Variants in SEC24D observed in about 807,000 individuals in gnomAD.
The protein encoded by SEC24D is SEC24 homolog D, COPII component.
SEC24D carries 69 observed loss-of-function variants against 116.9 expected under a neutral mutation model. That is an observed-to-expected ratio of 0.59 (90% CI 0.49 to 0.72). The LOEUF (loss-of-function observed/expected upper bound fraction) is 0.72. Ranked by LOEUF, SEC24D falls within the 30% of genes least tolerant of loss-of-function variation. The pLI, the probability that SEC24D is intolerant of heterozygous loss-of-function variation, is 0.00. For missense variants in SEC24D, 1,131 were observed against 1,264.1 expected, an observed-to-expected ratio of 0.89 and a Z score of 1.60; for synonymous variants, 405 against 442.8, an observed-to-expected ratio of 0.91 and a Z score of 1.07.
At chr4:118,752,962 G>C in intron 11 of SEC24D, 74 bp from the exon 12 acceptor site, 1 of 1,080,204 alleles carries the variant, frequency 9.3e-7, no homozygotes, top group Non-Finnish European at 1.3e-6. Flanking sequence ...CTGAAATTCA[G>C]TAAGTGTGTC....
rs1431960926 is a variant in SEC24D, at chr4:118,722,939, AAAC to A, written c.*573_*575del. ...ATTGATAAAGACAGTTTTACAGACA[AAAC>A]AACTGGAAAATAGTTTTAACATACA... On this transcript the variant is annotated 3_prime_UTR_variant, in exon 23 of 23. Coordinates refer to ENST00000280551, the MANE Select transcript of SEC24D (RefSeq NM_014822.4). 2 of 152,642 alleles carry A rather than the reference AAAC, an allele frequency of 1.3e-5. No individual in the cohort carries two copies. The highest frequency in any genetic ancestry group is 2.4e-5 in the African/African-American group (1 of 41,452). The allele number at this position is 152,642 out of a possible 1,614,324, so 9.5% of individuals were successfully genotyped here.
rs867207101 is a variant in SEC24D at position 118,816,763 on chromosome 4, T to C, written c.397+501A>G. ...ACTCACAGGATATACAGCATTTCTG[T>C]TGATGTAAATCTCAGTACTGTGACT... is the stretch of plus-strand genomic sequence containing the variant. On this transcript the variant is annotated intron_variant, in intron 4 of 22. Coordinates refer to ENST00000280551, the MANE Select transcript of SEC24D (RefSeq NM_014822.4). 20 of 454,784 alleles carry C rather than the reference T, an allele frequency of 4.4e-5. No individual in the cohort carries two copies. The Middle Eastern group carries it at 5.5e-3, about 125-fold the overall frequency. 28.2% of individuals were successfully genotyped at this position (454,784 alleles called of 1,614,324 possible).
chr4:118,802,044 A>G (rs1023680986), intron 7 of SEC24D, among the ~76,000 whole-genome samples: 2 of 152,216 alleles, frequency 1.3e-5, no homozygotes, highest in African/African-American at 2.4e-5. Context: ...TGGCTTCACA[A>G]TCTAGTTGGA....
chr4:118,816,782 T>C (rs1207280405), intron 4 of SEC24D: 1 of 455,828 alleles, frequency 2.2e-6, no homozygotes, highest in East Asian at 7.0e-5. Flanking sequence ...ATCTCAGTAC[T>C]GTGACTCTTT....
intron 2 of SEC24D, among the ~76,000 whole-genome samples, chr4:118,832,896 C>T (rs1048355412): frequency 3.9e-5 from 6 of 152,102 alleles, no homozygotes; most frequent in Admixed American, 1.3e-4. Flanking sequence ...TGGTCCTGAA[C>T]AAGAAGAGGG....
Position 118,739,217 on chromosome 4 carries a change from C to T in SEC24D, c.2309G>A (p.Ser770Asn). The part of the protein sequence containing the change: ...LRIHNLGLNC[S>N]SQLADLYKSC... The stretch of plus-strand genomic sequence containing the variant: ...CTTATAAAGATCAGCTAGCTGAGAG[C>T]TGCAGTTTAAGCCAAGATTGTGAAT... The change falls in exon 18 of 23, where the codon AGC becomes AAC. Residue 770 changes from serine (S) to asparagine (N), a missense_variant. Physicochemically the swap from Ser to Asn is conservative, Grantham distance 46. Coordinates refer to ENST00000280551, the MANE Select transcript of SEC24D (RefSeq NM_014822.4). The T allele has an allele frequency of 6.2e-7, 1 of 1,613,602 alleles. No individual in the cohort carries two copies. The highest frequency in any genetic ancestry group is 8.5e-7 in the Non-Finnish European group (1 of 1,179,578).
In SEC24D at chr4:118,752,761, C is replaced by T. The variant is rs369026913; in HGVS notation, c.1549G>A (p.Val517Ile). Residue 517 changes from valine to isoleucine, a missense_variant, in exon 12 of 23, where the codon GTC becomes ATC. Physicochemically the swap from Val to Ile is conservative, Grantham distance 29. Transcript: ENST00000280551. ...AAACCATCCAACAAAGGAACAAAGA[C>T]TTCTCCAACATCAGTCACCACCATC... ...QMMVVTDVGE[V>I]FVPLLDGFLV... 2 of 1,612,048 alleles carry T rather than the reference C, an allele frequency of 1.2e-6. No individual in the cohort carries two copies. The highest frequency in any genetic ancestry group is 8.5e-7 in the Non-Finnish European group (1 of 1,179,260).
chr4:118,730,078 A>T (rs1410872130), intron 21 of SEC24D: 1 of 152,222 alleles, frequency 6.6e-6, no homozygotes, highest in African/African-American at 2.4e-5. Flanking sequence ...CAGACCTACC[A>T]ATCTGCTGCC....
rs879851487 is a variant in SEC24D, at chr4:118,810,116, GT to G, written c.802-4163del. 5.1e-3 allele frequency among the ~76,000 whole-genome samples: 763 copies of G among 149,572 alleles called. 14 individuals carry two copies. Among genetic ancestry groups the G allele is most frequent in the Non-Finnish European group, 8.4e-3 (565 of 67,070 alleles). On this transcript the variant is annotated intron_variant, in intron 6 of 22. Coordinates refer to ENST00000280551, the MANE Select transcript of SEC24D (RefSeq NM_014822.4). Reference sequence around the variant, plus strand: ...TGTGTGTGTGTGTGTGTGTGTGTGTGTGTGTGTGTGTGTGTGTGTGTCAGAG... The same window carrying G: ...TGTGTGTGTGTGTGTGTGTGTGTGTGGTGTGTGTGTGTGTGTGTGTCAGAG...
At chr4:118,728,447 G>T in intron 22 of SEC24D, 114 bp downstream of exon 22, 1 of 633,636 alleles carries the variant, frequency 1.6e-6, no homozygotes, top group South Asian at 2.2e-5. Context: ...GATTTGTGAT[G>T]GTGTGAGTTT....
At chr4:118,797,109 C>T (rs1729210837) in intron 8 of SEC24D, among the ~76,000 whole-genome samples, 1 of 152,216 alleles carries the variant, frequency 6.6e-6, no homozygotes. Context: ...CAAATACCCA[C>T]TGGCAGCATC....
intron 8 of SEC24D, among the ~76,000 whole-genome samples, chr4:118,774,265 T>A (rs1367693065): frequency 1.3e-5 from 2 of 152,110 alleles, no homozygotes; most frequent in Non-Finnish European, 2.9e-5. Context: ...TGTATTAGAT[T>A]TGGATACCTC....
chr4:118,809,718 G>A (rs1430070287), intron 6 of SEC24D, among the ~76,000 whole-genome samples: 4 of 151,582 alleles, frequency 2.6e-5, no homozygotes, highest in Admixed American at 6.6e-5. Flanking sequence ...TGTTCTAAGT[G>A]TTAGAGACAC....
intron 20 of SEC24D, among the ~76,000 whole-genome samples, chr4:118,731,805 C>T (rs944824121): frequency 3.3e-5 from 5 of 152,022 alleles, no homozygotes; most frequent in Non-Finnish European, 5.9e-5. Context: ...GATAAAGGTG[C>T]GGACAAATTT....
At chr4:118,754,078 A>C (rs1408608100) in intron 11 of SEC24D, 1 of 151,972 alleles carries the variant, frequency 6.6e-6, no homozygotes, top group African/African-American at 2.4e-5. Flanking sequence ...TAAGGTACTG[A>C]CTCTGAACTG....
chr4:118,829,904 G>A (rs900198197), intron 2 of SEC24D, among the ~76,000 whole-genome samples: 50 of 152,242 alleles, frequency 3.3e-4, no homozygotes, highest in African/African-American at 1.2e-3. Context: ...GCAACACAAA[G>A]CAAGAGTTAG....
chr4:118,824,814 T>C (rs1255750728), intron 2 of SEC24D, 65 bp from the exon 3 acceptor site: 1 of 1,436,318 alleles, frequency 7.0e-7, no homozygotes, highest in Non-Finnish European at 9.3e-7. Flanking sequence ...GCAAAGTCAT[T>C]AGGTTAAAAA....
At chr4:118,732,968 T>C in intron 19 of SEC24D, 56 bp from the exon 20 acceptor site, 1 of 1,415,592 alleles carries the variant, frequency 7.1e-7, no homozygotes, top group Non-Finnish European at 9.9e-7. Flanking sequence ...AACAATTCCC[T>C]GAGCTTCATC....
intron 8 of SEC24D, among the ~76,000 whole-genome samples, chr4:118,796,185 T>A (rs2110504319): frequency 6.6e-6 from 1 of 152,330 alleles, no homozygotes; most frequent in South Asian, 2.1e-4. Flanking sequence ...TTTCTGTATG[T>A]TTGAAAATTT....
Sources: gnomAD v4.1 joint callset for allele counts (sites outside exome capture counted in the v4.1 genomes callset) on GRCh38, gnomAD v4.1.1 for gene constraint, MANE v1.5 for transcripts, NCBI Gene and HGNC (gene_info 2026-07-23, HGNC 2026-07-21) for gene names.